Variants in NCAPG2 observed in about 807,000 individuals in gnomAD.
NCAPG2 encodes the protein non-SMC condensin II complex subunit G2, also known as condensin-2 complex subunit G2.
NCAPG2 carries 53 observed loss-of-function variants against 141.1 expected under a neutral mutation model. That is an observed-to-expected ratio of 0.38 (90% CI 0.30 to 0.47). The LOEUF (loss-of-function observed/expected upper bound fraction) is 0.47, where lower values mean the gene tolerates loss of function less well. Among genes scored for constraint, NCAPG2 ranks in the 20% least tolerant of loss-of-function variants. The pLI, the probability that NCAPG2 is intolerant of heterozygous loss-of-function variation, is 0.99. For synonymous variants in NCAPG2, 499 were observed against 490.7 expected, an observed-to-expected ratio of 1.02 and a Z score of -0.22; for missense variants, 1,087 against 1,389.0, an observed-to-expected ratio of 0.78 and a Z score of 3.46.
At position 158,677,534 on chromosome 7, in the gene NCAPG2, A is replaced by AAC. The variant is rs1486168560; in HGVS notation, c.1147-1879_1147-1878insGT. Among the ~76,000 whole-genome samples, 5 of 114,686 alleles carry AAC rather than the reference A, an allele frequency of 4.4e-5. 1 individual carries two copies. Among genetic ancestry groups the AAC allele is most frequent in the Non-Finnish European group, 1.0e-4 (5 of 47,648 alleles). 75.2% of individuals were successfully genotyped at this position (114,686 alleles called of 152,430 possible). A position where few individuals can be genotyped will look rare whatever the true frequency, so the allele number is the denominator to read the frequency against. ...GATGATAAAAATAAAGCAAAAAAAA[A>AAC]AAAAAAAAAAAAAACAGAAAAGAAC... On this transcript the variant is annotated intron_variant, in intron 11 of 27. Coordinates refer to ENST00000356309, the MANE Select transcript of NCAPG2 (RefSeq NM_017760.7).
chr7:158,653,253 C>T (rs909152492), intron 22 of NCAPG2, among the ~76,000 whole-genome samples: 17 of 151,408 alleles, frequency 1.1e-4, no homozygotes, highest in Admixed American at 9.9e-4. Context: ...CCCAGCTACT[C>T]AGGAGGCTGA....
intron 13 of NCAPG2, chr7:158,665,298 T>G (rs1209767888): frequency 6.5e-6 from 1 of 153,532 alleles, no homozygotes; most frequent in East Asian, 1.9e-4. Flanking sequence ...CCATCTCACA[T>G]GCAGCCTCCA....
chr7:158,639,299 G>T (rs1830484745), intron 27 of NCAPG2, among the ~76,000 whole-genome samples: 1 of 152,038 alleles, frequency 6.6e-6, no homozygotes, highest in African/African-American at 2.4e-5. Flanking sequence ...GTAGAGACAG[G>T]GTTTTGCCAC....
At position 158,656,609 on chromosome 7, in the gene NCAPG2, C is replaced by T. The variant is rs372659991; in HGVS notation, c.2157G>A (p.Val719=). 2.4e-5 allele frequency: 38 copies of T among 1,614,016 alleles called. No homozygotes were observed. The highest frequency in any genetic ancestry group is 1.6e-4 in the Middle Eastern group (1 of 6,084). The stretch of plus-strand genomic sequence containing the variant: ...TGTCAACAAGCTCCAGAATGTGCCC[C>T]ACCTGCCCCCAGGAGCAGAGGCAAT... ...LLDCLCSWGQ[V]GHILELVDNW... is the part of the protein sequence containing the mutation. The change falls in exon 18 of 28, where the codon GTG becomes GTA. Residue 719 remains valine, a synonymous_variant. Transcript: ENST00000356309.
At chr7:158,670,646 T>A (rs892360123) in intron 13 of NCAPG2, among the ~76,000 whole-genome samples, 1 of 152,204 alleles carries the variant, frequency 6.6e-6, no homozygotes, top group South Asian at 2.1e-4. Flanking sequence ...CTTATATATA[T>A]GTCTCCATTT....
chr7:158,646,101 G>A lies in NCAPG2; in HGVS notation c.3179+359C>T, dbSNP rs548946769. ...AATGAGTAGCAGCTGCGTATTCAAC[G>A]AAAATGGCACCGGTATTTAACCTTG... On this transcript the variant is annotated intron_variant, in intron 25 of 27. Coordinates refer to ENST00000356309, the MANE Select transcript of NCAPG2 (RefSeq NM_017760.7). Among the ~76,000 whole-genome samples, 24 of 152,266 alleles carry A rather than the reference G, an allele frequency of 1.6e-4. 1 individual carries two copies. The East Asian group carries it at 4.0e-3, about 26-fold the overall frequency.
chr7:158,667,211 G>T (rs1563537519), intron 13 of NCAPG2: 1 of 985,462 alleles, frequency 1.0e-6, no homozygotes, highest in South Asian at 4.7e-5. Flanking sequence ...CAAACGTTCT[G>T]CCTTCTTCCT....
intron 27 of NCAPG2, among the ~76,000 whole-genome samples, chr7:158,638,949 A>G (rs1830463872): frequency 6.6e-6 from 1 of 152,228 alleles, no homozygotes; most frequent in South Asian, 2.1e-4. Context: ...TAAAAGCCAC[A>G]GTAAACATAA....
intron 23 of NCAPG2, among the ~76,000 whole-genome samples, chr7:158,651,298 A>G (rs1009994715): frequency 1.3e-4 from 20 of 152,248 alleles, no homozygotes; most frequent in African/African-American, 4.3e-4. Flanking sequence ...GGCATCAGCT[A>G]TGAGGCAATG....
chr7:158,693,243 C>T, intron 3 of NCAPG2, 66 bp downstream of exon 3: 1 of 1,484,946 alleles, frequency 6.7e-7, no homozygotes, highest in Non-Finnish European at 9.2e-7. Flanking sequence ...CAATGATACA[C>T]AGTGAAGTTA....
At chr7:158,659,623 C>T (rs1310856958) in intron 16 of NCAPG2, among the ~76,000 whole-genome samples, 6 of 152,196 alleles carry the variant, frequency 3.9e-5, no homozygotes, top group African/African-American at 1.2e-4. Flanking sequence ...TCCACCCTTC[C>T]TCAAGAACAC....
At chr7:158,668,883 C>T (rs759380297) in intron 13 of NCAPG2, among the ~76,000 whole-genome samples, 33 of 152,276 alleles carry the variant, frequency 2.2e-4, no homozygotes, top group Non-Finnish European at 3.8e-4. Flanking sequence ...TCAAGCCCAG[C>T]ATCCATTAGC....
At chr7:158,689,734 GT>G in intron 6 of NCAPG2, 84 bp downstream of exon 6, 1 of 1,289,482 alleles carries the variant, frequency 7.8e-7, no homozygotes, top group Non-Finnish European at 1.0e-6. Context: ...ACCGAGCATG[GT>G]GCAGACAGGA....
chr7:158,681,051 C>T (rs1051581606), intron 9 of NCAPG2, among the ~76,000 whole-genome samples: 3 of 152,070 alleles, frequency 2.0e-5, no homozygotes, highest in African/African-American at 7.2e-5. Context: ...AGATTAATGG[C>T]CTTGGGCTAT....
chr7:158,675,764 A>C (rs1182627916), intron 11 of NCAPG2, 108 bp from the exon 12 acceptor site: 2 of 1,173,034 alleles, frequency 1.7e-6, no homozygotes, highest in Admixed American at 5.4e-5. Flanking sequence ...AGAAACTTTG[A>C]GCATAGAAAT....
rs1835223315 is a variant in NCAPG2, at chr7:158,692,964, T to C, written c.268-8A>G. The C allele has an allele frequency of 1.3e-6, 2 of 1,485,566 alleles. No individual in the cohort carries two copies. The highest frequency in any genetic ancestry group is 1.8e-6 in the Non-Finnish European group (2 of 1,081,970). The allele number at this position is 1,485,566 out of a possible 1,614,324, so 92.0% of individuals were successfully genotyped here. A position where few individuals can be genotyped will look rare whatever the true frequency, so the allele number is the denominator to read the frequency against. ...TATTTCTATGCTTTTTCTCTATAAA[T>C]GAAAAATCAAAGCATGAGTGAATTA... On this transcript the variant is annotated splice_polypyrimidine_tract_variant and splice_region_variant and intron_variant, in intron 3 of 27. Coordinates refer to ENST00000356309, the MANE Select transcript of NCAPG2 (RefSeq NM_017760.7).
intron 13 of NCAPG2, 25 bp downstream of exon 13, chr7:158,671,489 A>C: frequency 6.2e-7 from 1 of 1,613,512 alleles, no homozygotes; most frequent in Non-Finnish European, 8.5e-7. Flanking sequence ...TCATGTCATA[A>C]GTAAAAAAGC....
intron 26 of NCAPG2, 146 bp from the exon 27 acceptor site, chr7:158,644,534 G>A: frequency 1.5e-6 from 1 of 651,084 alleles, no homozygotes; most frequent in Non-Finnish European, 2.7e-6. Context: ...CCGCGGAATA[G>A]TAATTCTCCC....
intron 19 of NCAPG2, 40 bp from the exon 20 acceptor site, chr7:158,655,495 A>G: frequency 6.6e-7 from 1 of 1,519,668 alleles, no homozygotes; most frequent in Non-Finnish European, 9.1e-7. Flanking sequence ...GCTGACTGAC[A>G]AGGCACCACC....
Sources: gnomAD v4.1 joint callset for allele counts (sites outside exome capture counted in the v4.1 genomes callset) on GRCh38, gnomAD v4.1.1 for gene constraint, MANE v1.5 for transcripts, NCBI Gene and HGNC (gene_info 2026-07-23, HGNC 2026-07-21) for gene names.